The following ROBO2 variants were observed in gnomAD, a reference collection of about 807,000 sequenced individuals.
ROBO2 encodes roundabout homolog 2.
ROBO2 carries 53 observed loss-of-function variants against 160.8 expected under a neutral mutation model. The ratio of observed to expected loss-of-function variants is 0.33; its 90% CI spans 0.26 to 0.41. The LOEUF (loss-of-function observed/expected upper bound fraction) is 0.41. ROBO2 is among the 10% of genes least tolerant of loss of function. The probability of loss-of-function intolerance (pLI) is 1.00; values close to 1 mark genes in which losing one functional copy is unlikely to be tolerated. For synonymous variants in ROBO2, 664 were observed against 611.7 expected (o/e 1.09, Z -1.26); for missense variants, 1,577 against 1,722.4 (o/e 0.92, Z 1.49).
chr3:76,329,123 G>T (rs990009826), intron 2 of ROBO2, among the ~76,000 whole-genome samples: 2 of 151,968 alleles, frequency 1.3e-5, no homozygotes, highest in African/African-American at 2.4e-5. Flanking sequence ...TCGTGGATGT[G>T]ACGCTCCACT....
chr3:77,457,895 T>C (rs2081845082), intron 2 of ROBO2, among the ~76,000 whole-genome samples: 1 of 152,082 alleles, frequency 6.6e-6, no homozygotes, highest in Admixed American at 6.6e-5. Flanking sequence ...TACAACCTAG[T>C]TATATGTTTA....
intron 2 of ROBO2, among the ~76,000 whole-genome samples, chr3:77,268,786 C>G (rs1012931645): frequency 6.6e-6 from 1 of 152,120 alleles, no homozygotes; most frequent in African/African-American, 2.4e-5. Context: ...ACTCCTTTTC[C>G]CCTTTTCTGG....
chr3:77,428,190 T>G (rs1374094165), intron 2 of ROBO2, among the ~76,000 whole-genome samples: 1 of 152,170 alleles, frequency 6.6e-6, no homozygotes, highest in Non-Finnish European at 1.5e-5. Context: ...ATTTAGAAAA[T>G]TGATATCTTT....
At chr3:76,279,733 A>G (rs1055020330) in intron 2 of ROBO2, among the ~76,000 whole-genome samples, 2 of 71,768 alleles carry the variant, frequency 2.8e-5, no homozygotes, top group East Asian at 5.5e-4. Context: ...TTGCATCAGG[A>G]TCCACATAAC....
At chr3:76,564,185 G>A (rs1049085511) in intron 2 of ROBO2, among the ~76,000 whole-genome samples, 5 of 152,190 alleles carry the variant, frequency 3.3e-5, no homozygotes, top group African/African-American at 9.6e-5. Flanking sequence ...CAGTCGGGGC[G>A]ACACAGCAAG....
intron 2 of ROBO2, among the ~76,000 whole-genome samples, chr3:76,676,243 G>A (rs561616196): frequency 1.3e-5 from 2 of 151,910 alleles, no homozygotes; most frequent in East Asian, 3.9e-4. Context: ...TCCCCGTGCT[G>A]TTCTCATGAG....
In ROBO2 at chr3:75,949,193, A is replaced by G. The variant is rs536954979; in HGVS notation, c.109+11591A>G. Among the ~76,000 whole-genome samples, 819 of 152,186 alleles carry G rather than the reference A, an allele frequency of 5.4e-3. 9 individuals are homozygous for G. Among genetic ancestry groups the G allele is most frequent in the African/African-American group, 0.019 (796 of 41,542 alleles). ...GCTGAAATAACAACACACTATCTTT[A>G]GCTACTTTTTTTCTCAATATGTCTC... On this transcript the variant is annotated intron_variant, in intron 2 of 26. Transcript: ENST00000487694.
At chr3:76,546,229 T>G (rs1452686542) in intron 2 of ROBO2, among the ~76,000 whole-genome samples, 1 of 151,900 alleles carries the variant, frequency 6.6e-6, no homozygotes, top group Non-Finnish European at 1.5e-5. Flanking sequence ...GGATATTAAT[T>G]AACATTAGGC....
chr3:77,040,533 T>G, exon 1 of ROBO2: 1 of 1,372,336 alleles, frequency 7.3e-7, no homozygotes, highest in Non-Finnish European at 9.4e-7. Context: ...TTTGTGGGAA[T>G]TTAGGAAGCC....
In ROBO2 at chr3:77,124,594, G is replaced by T. The variant is rs186529927; in HGVS notation, c.388+26254G>T. Among the ~76,000 whole-genome samples the T allele has an allele frequency of 3.7e-3, 561 of 152,160 alleles. 2 individuals are homozygous for T. Among genetic ancestry groups the T allele is most frequent in the Middle Eastern group, 0.02 (6 of 294 alleles). On this transcript the variant is annotated intron_variant, in intron 2 of 25. Transcript: ENST00000461745. ...ATATAAATGTGGAGTTGTAGGAGTG[G>T]GTTACTGTGCAAAATATAATCAGGG...
chr3:76,729,627 G>GTCTC lies in ROBO2; in HGVS notation c.110-368377_110-368374dup, dbSNP rs10662099. ...TTGAGTACACATGTATTTCTTTTCT[G>GTCTC]TCTCTCTCTCTCTTTTTTTTTTTTT... On this transcript the variant is annotated intron_variant, in intron 2 of 26. Coordinates refer to the ROBO2 transcript ENST00000487694. Among the ~76,000 whole-genome samples, 1,027 of 146,148 alleles carry GTCTC rather than the reference G, an allele frequency of 7.0e-3. 11 individuals carry two copies. The highest frequency in any genetic ancestry group is 0.025 in the African/African-American group (959 of 38,690).
intron 2 of ROBO2, among the ~76,000 whole-genome samples, chr3:76,008,232 CAAAAAA>C (rs5850225): frequency 4.9e-5 from 4 of 82,252 alleles, no homozygotes; most frequent in Admixed American, 1.5e-4. Context: ...AAGACTCTGT[CAAAAAA>C]AAAAAAAAAA....
At chr3:77,098,271 A>T in exon 2 of ROBO2, 7 of 1,614,226 alleles carry the variant, frequency 4.3e-6, no homozygotes, top group Non-Finnish European at 5.9e-6. Context: ...TGATGAAGGA[A>T]GCTACGTTTG....
At chr3:77,239,062 C>G (rs942429755) in intron 2 of ROBO2, among the ~76,000 whole-genome samples, 4 of 152,202 alleles carry the variant, frequency 2.6e-5, no homozygotes, top group African/African-American at 9.6e-5. Flanking sequence ...CCCCCATGTC[C>G]TTGGGATCCT....
intron 2 of ROBO2, among the ~76,000 whole-genome samples, chr3:76,202,700 A>G (rs1702594791): frequency 6.6e-6 from 1 of 152,078 alleles, no homozygotes; most frequent in Non-Finnish European, 1.5e-5. Flanking sequence ...CTGTGTAGTT[A>G]TGGGTGTGGG....
intron 2 of ROBO2, among the ~76,000 whole-genome samples, chr3:76,961,451 CA>C (rs2079657984): frequency 6.6e-6 from 1 of 152,008 alleles, no homozygotes; most frequent in Non-Finnish European, 1.5e-5. Context: ...GCCTGTCAAC[CA>C]TAAGCTTACA....
chr3:76,731,708 T>A (rs1450941500), intron 2 of ROBO2, among the ~76,000 whole-genome samples: 2 of 152,110 alleles, frequency 1.3e-5, no homozygotes, highest in African/African-American at 2.4e-5. Flanking sequence ...TATTAACAAA[T>A]CAAAGAGCCT....
At chr3:76,634,666 A>T (rs2090221476) in intron 2 of ROBO2, among the ~76,000 whole-genome samples, 1 of 134,632 alleles carries the variant, frequency 7.4e-6, no homozygotes, top group South Asian at 2.9e-4. Flanking sequence ...CTCTATCTCC[A>T]AACACAGTCA....
At chr3:76,952,579 G>A (rs1398820593) in intron 2 of ROBO2, among the ~76,000 whole-genome samples, 1 of 152,128 alleles carries the variant, frequency 6.6e-6, no homozygotes, top group African/African-American at 2.4e-5. Context: ...ACTGTGCCCA[G>A]CCTGTAAGCT....
Sources: allele counts gnomAD v4.1 joint callset (sites outside exome capture counted in the v4.1 genomes callset), GRCh38; gene constraint gnomAD v4.1.1; transcripts MANE v1.5; gene names NCBI Gene and HGNC (gene_info 2026-07-23, HGNC 2026-07-21).